Variants in MAML2 observed in about 807,000 individuals in gnomAD.
MAML2 encodes mastermind-like protein 2.
MAML2 carries 22 observed loss-of-function variants against 96.1 expected under a neutral mutation model. The ratio of observed to expected loss-of-function variants is 0.23; its 90% CI spans 0.16 to 0.33. The LOEUF (loss-of-function observed/expected upper bound fraction) is 0.33, where lower values mean the gene tolerates loss of function less well. MAML2 is among the 10% of genes least tolerant of loss of function. MAML2 has a pLI of 1.00. For synonymous variants in MAML2, 561 were observed against 521.3 expected (o/e 1.08, Z -1.04); for missense variants, 1,367 against 1,392.4 (o/e 0.98, Z 0.29).
chr11:96,066,025 A>C (rs1195612548), intron 2 of MAML2, among the ~76,000 whole-genome samples: 1 of 151,872 alleles, frequency 6.6e-6, no homozygotes, highest in Non-Finnish European at 1.5e-5. Context: ...AAGACTGAAA[A>C]CTCGCTCCAA....
At chr11:96,260,466 A>G (rs1862733155) in intron 1 of MAML2, among the ~76,000 whole-genome samples, 1 of 152,190 alleles carries the variant, frequency 6.6e-6, no homozygotes, top group Admixed American at 6.5e-5. Context: ...ATGGAGGTGC[A>G]GCATAGTTCC....
chr11:96,246,798 A>G (rs1042732914), intron 1 of MAML2, among the ~76,000 whole-genome samples: 1 of 152,108 alleles, frequency 6.6e-6, no homozygotes, highest in African/African-American at 2.4e-5. Context: ...ATACAGTTTG[A>G]GGTTGGCTCT....
intron 1 of MAML2, among the ~76,000 whole-genome samples, chr11:96,180,749 T>A (rs1861470670): frequency 6.6e-6 from 1 of 152,158 alleles, no homozygotes; most frequent in African/African-American, 2.4e-5. Context: ...TTCATGTGTG[T>A]CCGTGTGAAG....
chr11:96,331,004 C>T (rs868708139), intron 1 of MAML2, among the ~76,000 whole-genome samples: 1 of 152,192 alleles, frequency 6.6e-6, no homozygotes, highest in Non-Finnish European at 1.5e-5. Flanking sequence ...GGCATGGTGG[C>T]TGATGCCTGG....
chr11:96,069,812 C>T (rs1261696398), intron 2 of MAML2, among the ~76,000 whole-genome samples: 1 of 152,100 alleles, frequency 6.6e-6, no homozygotes. Context: ...ATCACAAGGT[C>T]AAGAGATGGA....
At chr11:96,008,433 GC>G (rs1410190931) in intron 2 of MAML2, among the ~76,000 whole-genome samples, 2 of 152,256 alleles carry the variant, frequency 1.3e-5, no homozygotes, top group Non-Finnish European at 2.9e-5. Context: ...TTCATGTGGT[GC>G]TTTTTTAAAA....
chr11:96,041,871 G>T (rs117091550), intron 2 of MAML2, among the ~76,000 whole-genome samples: 1 of 151,212 alleles, frequency 6.6e-6, no homozygotes, highest in African/African-American at 2.4e-5. Flanking sequence ...GTGCAATGGC[G>T]CATCTCGGCT....
chr11:96,286,404 T>C (rs1022449297), intron 1 of MAML2, among the ~76,000 whole-genome samples: 1 of 152,166 alleles, frequency 6.6e-6, no homozygotes, highest in African/African-American at 2.4e-5. Flanking sequence ...GGTTGATCTG[T>C]GCAGCAAACC....
chr11:96,325,668 C>T (rs979769822), intron 1 of MAML2, among the ~76,000 whole-genome samples: 2 of 152,014 alleles, frequency 1.3e-5, no homozygotes, highest in African/African-American at 4.8e-5. Flanking sequence ...ACAATATTCT[C>T]CTTCACAAAC....
At chr11:96,319,401 C>A (rs996828405) in intron 1 of MAML2, among the ~76,000 whole-genome samples, 8 of 152,162 alleles carry the variant, frequency 5.3e-5, no homozygotes, top group Non-Finnish European at 1.2e-4. Flanking sequence ...CTTTCAACTG[C>A]CAAGTTTTGA....
At chr11:96,014,228 T>G (rs915161175) in intron 2 of MAML2, among the ~76,000 whole-genome samples, 24 of 152,222 alleles carry the variant, frequency 1.6e-4, no homozygotes, top group Non-Finnish European at 3.4e-4. Context: ...CATTTTAGTA[T>G]ACAGCTGCAG....
At chr11:96,339,926 A>C (rs1351502161) in intron 1 of MAML2, among the ~76,000 whole-genome samples, 1 of 152,222 alleles carries the variant, frequency 6.6e-6, no homozygotes, top group Non-Finnish European at 1.5e-5. Context: ...CGAAGCTCTA[A>C]TACAACCCCA....
At chr11:96,084,517 T>C (rs968629153) in intron 2 of MAML2, among the ~76,000 whole-genome samples, 2 of 152,156 alleles carry the variant, frequency 1.3e-5, no homozygotes, top group African/African-American at 4.8e-5. Flanking sequence ...CTCATGCCTC[T>C]TCCCAGCATG....
chr11:96,018,134 C>A (rs1352839499), intron 2 of MAML2, among the ~76,000 whole-genome samples: 2 of 152,096 alleles, frequency 1.3e-5, no homozygotes, highest in Non-Finnish European at 2.9e-5. Context: ...TAATAAGCAA[C>A]TATGAGATTT....
chr11:96,050,215 T>C (rs1160577250), intron 2 of MAML2, among the ~76,000 whole-genome samples: 2 of 152,198 alleles, frequency 1.3e-5, no homozygotes, highest in Admixed American at 6.5e-5. Context: ...TTTATACAAG[T>C]GAGTGTATGT....
At chr11:96,251,694 A>G (rs1862583104) in intron 1 of MAML2, among the ~76,000 whole-genome samples, 1 of 151,888 alleles carries the variant, frequency 6.6e-6, no homozygotes, top group East Asian at 1.9e-4. Context: ...AATGTTGGAG[A>G]AGCATCAACA....
At chr11:96,281,735 C>A (rs1400960118) in intron 1 of MAML2, among the ~76,000 whole-genome samples, 1 of 151,904 alleles carries the variant, frequency 6.6e-6, no homozygotes, top group African/African-American at 2.4e-5. Context: ...CTGGATGTGG[C>A]AGCATGCACC....
rs1046531480 is a variant in MAML2 at position 96,165,677 on chromosome 11, G to A, written c.514-72160C>T. On this transcript the variant is annotated intron_variant, in intron 1 of 4. Coordinates refer to ENST00000524717, the MANE Select transcript of MAML2 (RefSeq NM_032427.4). ...GATTACGAATATTTTTAAGGTTTTT[G>A]ATACATATCGACAAATTGTCCTCTG... Among the ~76,000 whole-genome samples, 38 of 152,244 alleles carry A rather than the reference G, an allele frequency of 2.5e-4. 1 individual carries two copies. The highest frequency in any genetic ancestry group is 8.9e-4 in the African/African-American group (37 of 41,556).
At position 96,216,017 on chromosome 11, in the gene MAML2, G is replaced by A. The variant is rs188033659; in HGVS notation, c.514-122500C>T. ...GACATGTACTGCATATTTTGAGACA[G>A]AGTTACATACTCAATTTGCTTAAAA... On this transcript the variant is annotated intron_variant, in intron 1 of 4. Coordinates refer to ENST00000524717, the MANE Select transcript of MAML2 (RefSeq NM_032427.4). Among the ~76,000 whole-genome samples, 42 of 151,724 alleles carry A rather than the reference G, an allele frequency of 2.8e-4. 2 individuals carry two copies. The East Asian group carries it at 7.9e-3, about 29-fold the overall frequency.
Sources: gnomAD v4.1 joint callset for allele counts (sites outside exome capture counted in the v4.1 genomes callset) on GRCh38, gnomAD v4.1.1 for gene constraint, MANE v1.5 for transcripts, NCBI Gene and HGNC (gene_info 2026-07-23, HGNC 2026-07-21) for gene names.